CABIN1: variants seen among roughly 807,000 people sequenced by gnomAD.
CABIN1 encodes calcineurin-binding protein cabin-1.
CABIN1 carries 133 observed loss-of-function variants against 227.7 expected under a neutral mutation model. The ratio of observed to expected loss-of-function variants is 0.58; its 90% CI spans 0.51 to 0.67. CABIN1 has a LOEUF of 0.67. Among genes scored for constraint, CABIN1 ranks in the 30% least tolerant of loss-of-function variants. CABIN1 has a pLI of 0.00. For synonymous variants in CABIN1, 1,086 were observed against 1,155.1 expected, an observed-to-expected ratio of 0.94 and a Z score of 1.21; for missense variants, 2,408 against 2,852.5, an observed-to-expected ratio of 0.84 and a Z score of 3.55.
chr22:24,155,015 TG>T (rs1365776718), intron 29 of CABIN1, among the ~76,000 whole-genome samples: 1 of 151,622 alleles, frequency 6.6e-6, no homozygotes, highest in African/African-American at 2.4e-5. Flanking sequence ...GAGAAGCTCA[TG>T]GGGGCAAAGG....
intron 33 of CABIN1, chr22:24,170,254 C>T (rs1349935836): frequency 2.4e-6 from 1 of 424,610 alleles, no homozygotes; most frequent in Non-Finnish European, 4.8e-6. Flanking sequence ...CTGGTTCTCT[C>T]CTCCCTTAAG....
intron 7 of CABIN1, 70 bp from the exon 8 acceptor site, chr22:24,050,755 T>A: frequency 6.3e-7 from 1 of 1,580,270 alleles, no homozygotes; most frequent in Non-Finnish European, 8.7e-7. Context: ...AATGCATTTT[T>A]GTGTGTAAAA....
Position 24,119,626 on chromosome 22 carries a change from G to C in CABIN1, c.4560G>C (p.Leu1520=), listed in dbSNP as rs139718962. ...EQCIASFRLC[L]SRFPQHYKSL... is the part of the protein sequence containing the mutation. ...GCATCGCCTCCTTCCGCCTGTGCCTGAGCCGCTTCCCCCAGCACTATAAGA... is the reference window on the plus strand; with the variant it reads ...GCATCGCCTCCTTCCGCCTGTGCCTCAGCCGCTTCCCCCAGCACTATAAGA... The change falls in exon 28 of 37, where the codon CTG becomes CTC. Residue 1520 remains leucine, a synonymous_variant. Coordinates refer to ENST00000263119, the MANE Select transcript of CABIN1 (RefSeq NM_012295.4). 1 of 1,613,774 alleles carries C rather than the reference G, an allele frequency of 6.2e-7. No individual in the cohort carries two copies. Among genetic ancestry groups the C allele is most frequent in the Non-Finnish European group, 8.5e-7 (1 of 1,179,976 alleles).
chr22:24,159,632 C>T (rs2046036028), intron 29 of CABIN1, among the ~76,000 whole-genome samples: 1 of 152,188 alleles, frequency 6.6e-6, no homozygotes, highest in Admixed American at 6.5e-5. Flanking sequence ...CTTGCTTGAG[C>T]CTCACGTGGC....
intron 18 of CABIN1, among the ~76,000 whole-genome samples, 164 bp from the exon 19 acceptor site, chr22:24,076,005 A>T (rs1470698934): frequency 4.7e-5 from 7 of 149,282 alleles, no homozygotes; most frequent in Admixed American, 4.7e-4. Context: ...TCAAGTCACT[A>T]CTTATTTAAA....
intron 29 of CABIN1, among the ~76,000 whole-genome samples, chr22:24,140,892 C>T (rs1487834603): frequency 6.6e-6 from 1 of 152,138 alleles, no homozygotes; most frequent in Admixed American, 6.5e-5. Flanking sequence ...AGGTGGGCAG[C>T]CCCCAGGTCC....
chr22:24,066,164 C>G (rs1299589274), intron 15 of CABIN1, among the ~76,000 whole-genome samples: 3 of 152,238 alleles, frequency 2.0e-5, no homozygotes, highest in Non-Finnish European at 2.9e-5. Flanking sequence ...TTCCCATATG[C>G]TGAGTGGGGC....
intron 29 of CABIN1, among the ~76,000 whole-genome samples, chr22:24,149,241 A>G (rs1030095191): frequency 2.6e-5 from 4 of 152,240 alleles, no homozygotes; most frequent in African/African-American, 7.2e-5. Flanking sequence ...TCAGGCTCCA[A>G]TCCTGACCTG....
chr22:24,056,449 T>C, intron 10 of CABIN1, 89 bp downstream of exon 10: 1 of 1,241,314 alleles, frequency 8.1e-7, no homozygotes, highest in Non-Finnish European at 1.2e-6. Flanking sequence ...ATTGCCACCC[T>C]CTTCTCTGGT....
At position 24,116,483 on chromosome 22, in the gene CABIN1, G is replaced by A. The variant is rs536121735; in HGVS notation, c.4300+2735G>A. Among the ~76,000 whole-genome samples, 3 of 152,282 alleles carry A rather than the reference G, an allele frequency of 2.0e-5. No individual in the cohort carries two copies. In the South Asian group the frequency reaches 6.2e-4, roughly 32 times the overall value. ...GGTGATAAATGGTTGTCGGTGGGGG[G>A]AGGCCACCCTGGGGGCAGTTGACCT... On this transcript the variant is annotated intron_variant, in intron 27 of 36. Transcript: ENST00000263119.
intron 33 of CABIN1, 95 bp downstream of exon 33, chr22:24,168,616 G>A: frequency 9.7e-7 from 1 of 1,034,786 alleles, no homozygotes; most frequent in Middle Eastern, 2.0e-4. Flanking sequence ...CCACTCTTGG[G>A]ACTGTTCTTG....
intron 13 of CABIN1, among the ~76,000 whole-genome samples, chr22:24,062,465 C>G (rs1393102659): frequency 6.9e-6 from 1 of 144,564 alleles, no homozygotes; most frequent in African/African-American, 2.6e-5. Context: ...TCAAGTGATT[C>G]TCCCATATCA....
chr22:24,156,995 CATT>C (rs1403719769), intron 29 of CABIN1, among the ~76,000 whole-genome samples: 3 of 152,162 alleles, frequency 2.0e-5, no homozygotes, highest in African/African-American at 7.2e-5. Context: ...CAGAGAGAAT[CATT>C]ACCTGTGGAT....
At chr22:24,049,344 C>A in intron 7 of CABIN1, 124 bp downstream of exon 7, 1 of 1,173,158 alleles carries the variant, frequency 8.5e-7, no homozygotes, top group Non-Finnish European at 1.2e-6. Flanking sequence ...GGGCTTCATG[C>A]CCTGCCGCAG....
intron 28 of CABIN1, among the ~76,000 whole-genome samples, chr22:24,131,607 G>T (rs568637702): frequency 7.2e-5 from 11 of 152,302 alleles, no homozygotes; most frequent in African/African-American, 2.6e-4. Context: ...AGGTGTCTGG[G>T]CACTTGCTTC....
At chr22:24,163,360 G>C (rs1221277437) in intron 29 of CABIN1, among the ~76,000 whole-genome samples, 1 of 152,136 alleles carries the variant, frequency 6.6e-6, no homozygotes, top group Non-Finnish European at 1.5e-5. Context: ...AGATACTGTG[G>C]ATAATCAGCA....
chr22:24,041,240 G>A lies in CABIN1; in HGVS notation c.312G>A (p.Glu104=). The stretch of plus-strand genomic sequence containing the variant: ...TGGCCCAGCTGGCAGCCCAGCGGGA[G>A]GATCTGGAGACAGCCATGGAGTTCT... ...KNLAQLAAQR[E]DLETAMEFYL... The change falls in exon 5 of 37, where the codon GAG becomes GAA. Residue 104 remains glutamate (E), a synonymous_variant. Coordinates refer to ENST00000263119, the MANE Select transcript of CABIN1 (RefSeq NM_012295.4). 2 of 1,614,226 alleles carry A rather than the reference G, an allele frequency of 1.2e-6. No homozygotes were observed. Among genetic ancestry groups the A allele is most frequent in the South Asian group, 2.2e-5 (2 of 91,086 alleles).
intron 26 of CABIN1, among the ~76,000 whole-genome samples, chr22:24,108,996 T>A (rs890914438): frequency 6.6e-6 from 1 of 152,246 alleles, no homozygotes; most frequent in African/African-American, 2.4e-5. Context: ...TGTTAGGCAC[T>A]GATTCAAACA....
At chr22:24,164,065 A>T (rs1429048288) in intron 29 of CABIN1, among the ~76,000 whole-genome samples, 1 of 152,204 alleles carries the variant, frequency 6.6e-6, no homozygotes, top group Admixed American at 6.5e-5. Flanking sequence ...GGAGGTGTAC[A>T]CACTGGGCCT....
Sources: gnomAD v4.1 joint callset for allele counts (sites outside exome capture counted in the v4.1 genomes callset) on GRCh38, gnomAD v4.1.1 for gene constraint, MANE v1.5 for transcripts, NCBI Gene and HGNC (gene_info 2026-07-23, HGNC 2026-07-21) for gene names.